Variants in PIK3C2G observed in about 807,000 individuals in gnomAD.
PIK3C2G encodes the protein phosphatidylinositol-4-phosphate 3-kinase catalytic subunit type 2 gamma.
Under a neutral mutation model 181.1 loss-of-function variants are expected in PIK3C2G, and 168 were observed. The ratio of observed to expected loss-of-function variants is 0.93; its 90% CI spans 0.82 to 1.05. PIK3C2G has a LOEUF of 1.05. Ranked by LOEUF, PIK3C2G falls within the 50% of genes least tolerant of loss-of-function variation. The probability of loss-of-function intolerance (pLI) is 0.00; values close to 1 mark genes in which losing one functional copy is unlikely to be tolerated. For missense variants in PIK3C2G, 1,869 were observed against 1,732.8 expected (o/e 1.08, Z -1.40); for synonymous variants, 573 against 592.2 (o/e 0.97, Z 0.47).
At chr12:18,305,800 G>C (rs1029345419) in intron 5 of PIK3C2G, among the ~76,000 whole-genome samples, 2 of 151,916 alleles carry the variant, frequency 1.3e-5, no homozygotes, top group African/African-American at 4.8e-5. Flanking sequence ...AATGAAGTCT[G>C]CATATTTGAT....
At chr12:18,491,789 G>A (rs1940595168) in intron 20 of PIK3C2G, among the ~76,000 whole-genome samples, 1 of 149,818 alleles carries the variant, frequency 6.7e-6, no homozygotes, top group Admixed American at 6.7e-5. Context: ...CTATCCATCA[G>A]TTCAGTGAAA....
At chr12:18,634,156 TG>T (rs1949486902) in intron 31 of PIK3C2G, among the ~76,000 whole-genome samples, 1 of 151,964 alleles carries the variant, frequency 6.6e-6, no homozygotes, top group African/African-American at 2.4e-5. Context: ...TTCAGGAGGG[TG>T]GGGAACATAG....
chr12:18,343,454 G>C (rs1175369815), intron 10 of PIK3C2G, 94 bp downstream of exon 10: 10 of 617,114 alleles, frequency 1.6e-5, no homozygotes, highest in Non-Finnish European at 2.3e-5. Flanking sequence ...TGCAAATACT[G>C]TGGTAACACA....
At chr12:18,445,265 A>T (rs147534241) in intron 18 of PIK3C2G, among the ~76,000 whole-genome samples, 1 of 152,142 alleles carries the variant, frequency 6.6e-6, no homozygotes, top group Non-Finnish European at 1.5e-5. Flanking sequence ...ATTAACACAG[A>T]ACCCCTACAA....
intron 24 of PIK3C2G, among the ~76,000 whole-genome samples, chr12:18,524,967 G>A (rs772464313): frequency 3.9e-5 from 6 of 152,108 alleles, no homozygotes; most frequent in Non-Finnish European, 8.8e-5. Flanking sequence ...CTAAGTGAGG[G>A]CTTTATAAAA....
At chr12:18,491,132 G>A (rs745864757) in intron 19 of PIK3C2G, among the ~76,000 whole-genome samples, 16 of 152,222 alleles carry the variant, frequency 1.1e-4, no homozygotes, top group African/African-American at 3.6e-4. Context: ...CCAAATTGGC[G>A]GCCACGCAGG....
intron 24 of PIK3C2G, among the ~76,000 whole-genome samples, chr12:18,537,214 G>T (rs1191046525): frequency 6.6e-6 from 1 of 151,926 alleles, no homozygotes; most frequent in Non-Finnish European, 1.5e-5. Context: ...GCAACAAAAA[G>T]AAAACAATTA....
chr12:18,392,982 T>C (rs1217627838), intron 15 of PIK3C2G, among the ~76,000 whole-genome samples: 1 of 152,132 alleles, frequency 6.6e-6, no homozygotes, highest in East Asian at 1.9e-4. Flanking sequence ...AGCATCTTTT[T>C]CTGTCTTACT....
At chr12:18,340,938 C>T (rs1939079218) in intron 9 of PIK3C2G, among the ~76,000 whole-genome samples, 1 of 152,080 alleles carries the variant, frequency 6.6e-6, no homozygotes, top group African/African-American at 2.4e-5. Context: ...CCCTTGTCAC[C>T]TCATGGCCAT....
the PIK3C2G span, among the ~76,000 whole-genome samples, chr12:18,676,479 A>G: frequency 6.6e-6 from 1 of 152,080 alleles, no homozygotes; most frequent in Non-Finnish European, 1.5e-5. Context: ...CTAGTATCCC[A>G]TTGAGTACTC....
intron 6 of PIK3C2G, 134 bp downstream of exon 6, chr12:18,314,198 A>G: frequency 1.7e-6 from 1 of 583,718 alleles, no homozygotes; most frequent in Non-Finnish European, 3.0e-6. Context: ...TATTCATTGA[A>G]ACATGATGAA....
At chr12:18,356,879 C>T (rs1940787946) in intron 11 of PIK3C2G, among the ~76,000 whole-genome samples, 1 of 118,114 alleles carries the variant, frequency 8.5e-6, no homozygotes, top group Middle Eastern at 7.7e-3. Context: ...TAGGATGGGG[C>T]GGGGGGTGGG....
At chr12:18,545,562 A>T (rs979542420) in intron 25 of PIK3C2G, among the ~76,000 whole-genome samples, 1 of 151,040 alleles carries the variant, frequency 6.6e-6, no homozygotes, top group Non-Finnish European at 1.5e-5. Context: ...TATTTTCTTT[A>T]AAAAAAAGTA....
chr12:18,426,883 T>C (rs1945846442), intron 18 of PIK3C2G, among the ~76,000 whole-genome samples: 1 of 152,232 alleles, frequency 6.6e-6, no homozygotes, highest in African/African-American at 2.4e-5. Context: ...CATGTTATTA[T>C]AATAAAACAT....
At chr12:18,273,758 T>C (rs1429783747) in intron 1 of PIK3C2G, among the ~76,000 whole-genome samples, 1 of 152,036 alleles carries the variant, frequency 6.6e-6, no homozygotes, top group Non-Finnish European at 1.5e-5. Flanking sequence ...GGACTCCATG[T>C]CTAAAACACC....
chr12:18,397,966 C>G (rs1943995528), intron 15 of PIK3C2G, among the ~76,000 whole-genome samples: 1 of 152,006 alleles, frequency 6.6e-6, no homozygotes, highest in African/African-American at 2.4e-5. Context: ...TTGACAAACT[C>G]AACCAATATG....
the PIK3C2G span, among the ~76,000 whole-genome samples, chr12:18,726,204 T>C: frequency 3.5e-3 from 536 of 152,246 alleles, 3 homozygotes; most frequent in African/African-American, 0.012. Context: ...TAAAAATGCA[T>C]ATCCCAGAAG....
chr12:18,345,283 C>T (rs1312289946), intron 10 of PIK3C2G, among the ~76,000 whole-genome samples: 1 of 152,116 alleles, frequency 6.6e-6, no homozygotes, highest in Non-Finnish European at 1.5e-5. Context: ...CTGCTTTACT[C>T]TTCCGCTTCA....
intron 1 of PIK3C2G, among the ~76,000 whole-genome samples, chr12:18,279,118 G>C (rs544450204): frequency 2.0e-5 from 3 of 152,018 alleles, no homozygotes; most frequent in Middle Eastern, 3.4e-3. Flanking sequence ...CAAAATCCAG[G>C]CATGCTCTAC....
Sources: gnomAD v4.1 joint callset for allele counts (sites outside exome capture counted in the v4.1 genomes callset) on GRCh38, gnomAD v4.1.1 for gene constraint, MANE v1.5 for transcripts, NCBI Gene and HGNC (gene_info 2026-07-23, HGNC 2026-07-21) for gene names.